ACTR3: variants seen among roughly 807,000 people sequenced by gnomAD.
ACTR3 encodes actin related protein 3, also known as actin-related protein 3.
In ACTR3, 12 loss-of-function variants were observed where a neutral mutation model predicts 56.8. The ratio of observed to expected loss-of-function variants is 0.21; its 90% CI spans 0.14 to 0.34. The LOEUF is 0.34. ACTR3 is among the 10% of genes least tolerant of loss of function. The pLI, the probability that ACTR3 is intolerant of heterozygous loss-of-function variation, is 1.00. For missense variants in ACTR3, 282 were observed against 512.5 expected (o/e 0.55, Z 4.34); for synonymous variants, 162 against 167.4 (o/e 0.97, Z 0.25).
chr2:113,952,133 C>G (rs1398516091), intron 10 of ACTR3: 4 of 256,802 alleles, frequency 1.6e-5, no homozygotes, highest in Non-Finnish European at 3.0e-5. Flanking sequence ...TCTTTGCATA[C>G]ACCAACAATC....
intron 8 of ACTR3, among the ~76,000 whole-genome samples, chr2:113,943,504 A>G (rs1679961783): frequency 6.6e-6 from 1 of 152,210 alleles, no homozygotes; most frequent in Non-Finnish European, 1.5e-5. Flanking sequence ...TTACTCTCGC[A>G]GCATTGGTTT....
At chr2:113,902,413 T>C (rs1343579781) in intron 1 of ACTR3, among the ~76,000 whole-genome samples, 1 of 151,782 alleles carries the variant, frequency 6.6e-6, no homozygotes, top group African/African-American at 2.4e-5. Context: ...TACAAGCAAA[T>C]TGAGTACAGC....
At chr2:113,892,212 C>T (rs1010156444) in intron 1 of ACTR3, among the ~76,000 whole-genome samples, 12 of 152,210 alleles carry the variant, frequency 7.9e-5, no homozygotes, top group African/African-American at 2.9e-4. Flanking sequence ...AAGTGACCTC[C>T]TTTCCTAAAG....
At position 113,953,687 on chromosome 2, in the gene ACTR3, T is replaced by TACAC. The variant is rs150630319; in HGVS notation, c.1077+1855_1077+1858dup. On this transcript the variant is annotated intron_variant, in intron 10 of 11. Transcript: ENST00000263238. Reference sequence around the variant, plus strand: ...TTCTGTTTCTATAAATAGGTGTGTGTACACACACACACACACTAAATTGTA... The same window carrying TACAC: ...TTCTGTTTCTATAAATAGGTGTGTGTACACACACACACACACACACTAAATTGTA... The TACAC allele has an allele frequency of 4.5e-4, 64 of 143,636 alleles. 1 individual carries two copies. The East Asian group carries it at 0.01, about 23-fold the overall frequency. 8.9% of individuals were successfully genotyped at this position (143,636 alleles called of 1,614,324 possible).
Position 113,933,481 on chromosome 2 carries a change from C to T in ACTR3, c.433-798C>T, listed in dbSNP as rs770548401. Among the ~76,000 whole-genome samples the T allele has an allele frequency of 1.2e-4, 18 of 151,926 alleles. 1 individual carries two copies. Among genetic ancestry groups the T allele is most frequent in the Non-Finnish European group, 2.6e-4 (18 of 67,998 alleles). On this transcript the variant is annotated intron_variant, in intron 5 of 11. Coordinates refer to ENST00000263238, the MANE Select transcript of ACTR3 (RefSeq NM_005721.5). ...CGAGATCGTGCCACTGCATTCCAGCCTGGGTGACAGAAAGAAACTCTGTCT... is the reference window on the plus strand; with the variant it reads ...CGAGATCGTGCCACTGCATTCCAGCTTGGGTGACAGAAAGAAACTCTGTCT...
intron 3 of ACTR3, among the ~76,000 whole-genome samples, 166 bp from the exon 4 acceptor site, chr2:113,927,179 C>T (rs1360960649): frequency 6.6e-6 from 1 of 152,152 alleles, no homozygotes; most frequent in Non-Finnish European, 1.5e-5. Flanking sequence ...ACTAATTTAT[C>T]TTTAAATCCT....
intron 1 of ACTR3, among the ~76,000 whole-genome samples, chr2:113,905,963 G>C (rs1026552998): frequency 3.3e-5 from 5 of 152,172 alleles, no homozygotes; most frequent in Admixed American, 3.3e-4. Context: ...GAACATGCAT[G>C]TATAAGTACC....
intron 8 of ACTR3, among the ~76,000 whole-genome samples, chr2:113,949,394 G>GAAAAAAAAAAAAAAAAAAAAA (rs562713600): frequency 1.8e-5 from 2 of 108,852 alleles, no homozygotes; most frequent in African/African-American, 3.7e-5. Context: ...AAAAAAAAAA[G>GAAAAAAAAAAAAAAAAAAAAA]AAAAAAAAAA....
At chr2:113,903,746 G>A (rs1265074361) in intron 1 of ACTR3, among the ~76,000 whole-genome samples, 1 of 151,890 alleles carries the variant, frequency 6.6e-6, no homozygotes, top group African/African-American at 2.4e-5. Flanking sequence ...TACCCACTTC[G>A]GCCTCCCTAA....
chr2:113,894,692 A>C (rs576552630), intron 1 of ACTR3, among the ~76,000 whole-genome samples: 1 of 152,224 alleles, frequency 6.6e-6, no homozygotes, highest in Non-Finnish European at 1.5e-5. Flanking sequence ...AATTTTAGGC[A>C]CAGAACGGAA....
At chr2:113,954,278 T>C (rs1199266550) in intron 10 of ACTR3, 1 of 150,852 alleles carries the variant, frequency 6.6e-6, no homozygotes, top group African/African-American at 2.5e-5. Context: ...GAGGAGACAC[T>C]TTCAGACTAT....
intron 2 of ACTR3, among the ~76,000 whole-genome samples, chr2:113,916,480 A>G (rs1679407502): frequency 6.6e-6 from 1 of 152,224 alleles, no homozygotes; most frequent in African/African-American, 2.4e-5. Flanking sequence ...GATGTAAAGA[A>G]AGTTTAAAAA....
chr2:113,890,628 C>A (rs1035743662), intron 1 of ACTR3: 8 of 1,280,322 alleles, frequency 6.2e-6, no homozygotes, highest in Non-Finnish European at 7.9e-6. Context: ...CCAAAGGGCG[C>A]TGGGGACGGT....
chr2:113,902,694 G>A (rs1375814992), intron 1 of ACTR3, among the ~76,000 whole-genome samples: 1 of 151,922 alleles, frequency 6.6e-6, no homozygotes, highest in Non-Finnish European at 1.5e-5. Flanking sequence ...CTTTCTCCCG[G>A]GTTCAAGTGA....
chr2:113,909,621 G>T (rs368414757), intron 1 of ACTR3, among the ~76,000 whole-genome samples: 4 of 127,724 alleles, frequency 3.1e-5, no homozygotes, highest in Non-Finnish European at 5.2e-5. Context: ...TGTTGTTGTT[G>T]TTTTTTTTTT....
At chr2:113,914,673 TA>T (rs1679371778) in intron 2 of ACTR3, among the ~76,000 whole-genome samples, 1 of 150,652 alleles carries the variant, frequency 6.6e-6, no homozygotes. Flanking sequence ...AAATTGCACC[TA>T]AAAGGGGAAA....
At chr2:113,925,675 C>T (rs1679607080) in intron 3 of ACTR3, among the ~76,000 whole-genome samples, 1 of 152,136 alleles carries the variant, frequency 6.6e-6, no homozygotes. Flanking sequence ...AATTTGTAAA[C>T]TTCTAATAAT....
chr2:113,890,874 C>T, intron 1 of ACTR3: 1 of 814,748 alleles, frequency 1.2e-6, no homozygotes, highest in Non-Finnish European at 1.5e-6. Context: ...TACAGTGGGG[C>T]TTTCATTTGA....
In ACTR3 at chr2:113,924,780, C is replaced by CA. The variant is rs916118704; in HGVS notation, c.226-2556dup. Among the ~76,000 whole-genome samples, 367 of 149,538 alleles carry CA rather than the reference C, an allele frequency of 2.5e-3. 4 individuals are homozygous for CA. The highest frequency in any genetic ancestry group is 8.5e-3 in the African/African-American group (347 of 40,764). On this transcript the variant is annotated intron_variant, in intron 3 of 11. Coordinates refer to ENST00000263238, the MANE Select transcript of ACTR3 (RefSeq NM_005721.5). ...TCCTCCATACCTCTCATTCCCCTGC[C>CA]AAAAAAAAAGCCAGAAAGCAGAACT...
Sources: allele counts gnomAD v4.1 joint callset (sites outside exome capture counted in the v4.1 genomes callset), GRCh38; gene constraint gnomAD v4.1.1; transcripts MANE v1.5; gene names NCBI Gene and HGNC (gene_info 2026-07-23, HGNC 2026-07-21).